Variants in EYA4 observed in about 807,000 individuals in gnomAD.
EYA4 encodes EYA transcriptional coactivator and phosphatase 4.
Under a neutral mutation model 87.9 loss-of-function variants are expected in EYA4, and 31 were observed. The ratio of observed to expected loss-of-function variants is 0.35; its 90% CI spans 0.27 to 0.48. EYA4 has a LOEUF of 0.48. EYA4 is among the 20% of genes least tolerant of loss of function. The probability of loss-of-function intolerance (pLI) is 0.99; values close to 1 mark genes in which losing one functional copy is unlikely to be tolerated. For missense variants in EYA4, 678 were observed against 761.4 expected (o/e 0.89, Z 1.29); for synonymous variants, 263 against 270.6 (o/e 0.97, Z 0.28).
At chr6:133,254,297 C>T (rs1296150809) in intron 1 of EYA4, among the ~76,000 whole-genome samples, 1 of 152,100 alleles carries the variant, frequency 6.6e-6, no homozygotes, top group Admixed American at 6.6e-5. Context: ...TTTTAACCCT[C>T]AGAATTATAG....
At chr6:133,282,142 T>C (rs1453423992) in intron 2 of EYA4, among the ~76,000 whole-genome samples, 1 of 152,168 alleles carries the variant, frequency 6.6e-6, no homozygotes, top group Admixed American at 6.5e-5. Flanking sequence ...GGTAGTTCTG[T>C]TTAAAGTTCT....
chr6:133,376,205 C>T (rs1391713706), intron 2 of EYA4, among the ~76,000 whole-genome samples: 1 of 151,750 alleles, frequency 6.6e-6, no homozygotes, highest in Non-Finnish European at 1.5e-5. Flanking sequence ...TCCATGTTTT[C>T]CTTAAGCAAT....
chr6:133,421,965 AACTT>A (rs1030459916), intron 3 of EYA4, among the ~76,000 whole-genome samples: 6 of 152,168 alleles, frequency 3.9e-5, no homozygotes, highest in African/African-American at 9.7e-5. Flanking sequence ...TTTGTTTTTA[AACTT>A]ACTATCTTTT....
chr6:133,280,685 G>A (rs573711334), intron 2 of EYA4, among the ~76,000 whole-genome samples: 30 of 152,198 alleles, frequency 2.0e-4, no homozygotes, highest in Admixed American at 6.5e-4. Context: ...GTGAGCCACC[G>A]CGCCCGGCCA....
At chr6:133,523,447 C>G (rs1583562171) in intron 18 of EYA4, among the ~76,000 whole-genome samples, 1 of 151,828 alleles carries the variant, frequency 6.6e-6, no homozygotes, top group Non-Finnish European at 1.5e-5. Context: ...TGTAATACCT[C>G]TAGCCATAGT....
At chr6:133,263,157 C>T (rs1775932197) in intron 1 of EYA4, among the ~76,000 whole-genome samples, 1 of 152,150 alleles carries the variant, frequency 6.6e-6, no homozygotes, top group Non-Finnish European at 1.5e-5. Context: ...AAGCAATGCC[C>T]ATCTGGACAG....
chr6:133,274,866 A>T, intron 2 of EYA4, 53 bp downstream of exon 2: 1 of 1,300,636 alleles, frequency 7.7e-7, no homozygotes, highest in Non-Finnish European at 1.1e-6. Flanking sequence ...CACTACTGAA[A>T]ATCATACGTA....
chr6:133,259,638 A>G (rs1212746750), intron 1 of EYA4, among the ~76,000 whole-genome samples: 2 of 152,246 alleles, frequency 1.3e-5, no homozygotes, highest in Non-Finnish European at 2.9e-5. Flanking sequence ...GAAAGCAAAC[A>G]GCATCTTATT....
Position 133,375,627 on chromosome 6 carries a change from C to T in EYA4, c.34-6765C>T, listed in dbSNP as rs571514027. On this transcript the variant is annotated intron_variant, in intron 2 of 19. Coordinates refer to ENST00000355286, the MANE Select transcript of EYA4 (RefSeq NM_004100.5). Reference sequence around the variant, plus strand: ...GCAGCCCATTAAACCCTGTATCAGTCGGTTATCAATTTTTAAAAAAATTAA... The same window carrying T: ...GCAGCCCATTAAACCCTGTATCAGTTGGTTATCAATTTTTAAAAAAATTAA... Among the ~76,000 whole-genome samples, 21 of 151,544 alleles carry T rather than the reference C, an allele frequency of 1.4e-4. No homozygotes were observed. In the South Asian group the frequency reaches 2.5e-3, roughly 18 times the overall value.
Position 133,513,033 on chromosome 6 carries a change from T to C in EYA4, c.1496T>C (p.Val499Ala). The change falls in exon 16 of 20, where the codon GTT (valine) becomes GCT (alanine). Residue 499 changes from valine (V) to alanine (A), a missense_variant. By Grantham distance (64) the Val-to-Ala change is moderately conservative. Coordinates refer to ENST00000355286, the MANE Select transcript of EYA4 (RefSeq NM_004100.5). ...KELYNTYKNN[V>A]GGLLGPAKRD... The stretch of plus-strand genomic sequence containing the variant: ...TTATATAACACCTACAAGAACAACG[T>C]TGGAGGTATGTGTGGCTTTTTCAAT... The C allele has an allele frequency of 6.2e-7, 1 of 1,613,902 alleles. No homozygotes were observed. The highest frequency in any genetic ancestry group is 8.5e-7 in the Non-Finnish European group (1 of 1,179,876).
At chr6:133,320,681 C>T (rs1781019846) in intron 2 of EYA4, among the ~76,000 whole-genome samples, 1 of 152,072 alleles carries the variant, frequency 6.6e-6, no homozygotes, top group Admixed American at 6.6e-5. Context: ...CCTCCTTTAA[C>T]CCTCCCCTCT....
intron 18 of EYA4, 148 bp downstream of exon 18, chr6:133,523,325 T>C (rs144184331): frequency 2.5e-6 from 2 of 789,726 alleles, no homozygotes; most frequent in African/African-American, 3.4e-5. Flanking sequence ...ATTGTACATG[T>C]ATGAATTTTT....
chr6:133,342,193 T>G (rs1583009511), intron 2 of EYA4, among the ~76,000 whole-genome samples: 1 of 151,836 alleles, frequency 6.6e-6, no homozygotes, highest in Non-Finnish European at 1.5e-5. Context: ...CTTCTTTGGG[T>G]TTCTTCGGTA....
chr6:133,271,016 G>C (rs139252362), intron 1 of EYA4, among the ~76,000 whole-genome samples: 3,838 of 152,250 alleles, frequency 0.025, 130 homozygotes, highest in African/African-American at 0.082. Flanking sequence ...AGACCTCTAG[G>C]CCAGCAGAAG....
Position 133,373,887 on chromosome 6 carries a change from G to A in EYA4, c.34-8505G>A, listed in dbSNP as rs76834467. ...TCTTAGAATGGGAGCTTTCATATGAGCTGTAACATGATATGTTAAAGCATA... is the reference window on the plus strand; with the variant it reads ...TCTTAGAATGGGAGCTTTCATATGAACTGTAACATGATATGTTAAAGCATA... On this transcript the variant is annotated intron_variant, in intron 2 of 19. Transcript: ENST00000355286. 4.0e-4 allele frequency among the ~76,000 whole-genome samples: 61 copies of A among 152,130 alleles called. No individual in the cohort carries two copies. In the East Asian group the frequency reaches 0.01, roughly 26 times the overall value.
chr6:133,424,433 G>A (rs1479695795), intron 3 of EYA4, among the ~76,000 whole-genome samples: 1 of 152,098 alleles, frequency 6.6e-6, no homozygotes, highest in Non-Finnish European at 1.5e-5. Flanking sequence ...TCATGGCCCT[G>A]GTCTCGGCCC....
intron 3 of EYA4, among the ~76,000 whole-genome samples, chr6:133,390,277 T>C (rs1787144143): frequency 6.6e-6 from 1 of 152,158 alleles, no homozygotes; most frequent in Non-Finnish European, 1.5e-5. Flanking sequence ...TGGAGTGCGG[T>C]GGCAGAATCT....
intron 2 of EYA4, among the ~76,000 whole-genome samples, chr6:133,359,364 A>C (rs1488600378): frequency 6.6e-6 from 1 of 152,176 alleles, no homozygotes; most frequent in East Asian, 1.9e-4. Context: ...ATTATTATGT[A>C]ATCAGTCACT....
chr6:133,518,636 T>A (rs1414863723), intron 17 of EYA4, among the ~76,000 whole-genome samples: 3 of 152,156 alleles, frequency 2.0e-5, no homozygotes, highest in Non-Finnish European at 4.4e-5. Flanking sequence ...TTGGTAGCAT[T>A]ACTTGTAATA....
Sources: allele counts gnomAD v4.1 joint callset (sites outside exome capture counted in the v4.1 genomes callset), GRCh38; gene constraint gnomAD v4.1.1; transcripts MANE v1.5; gene names NCBI Gene and HGNC (gene_info 2026-07-23, HGNC 2026-07-21).